The following IFITM1 variants were observed in gnomAD, a reference collection of about 807,000 sequenced individuals.
IFITM1 encodes the protein interferon-induced transmembrane protein 1.
A neutral mutation model predicts 4.0 loss-of-function variants in IFITM1; 1 was observed. The ratio of observed to expected loss-of-function variants is 0.25; its 90% CI spans 0.09 to 1.18. The LOEUF is 1.18. IFITM1 is among the 50% of genes most tolerant of loss of function. The pLI, the probability that IFITM1 is intolerant of heterozygous loss-of-function variation, is 0.50. For missense variants in IFITM1, 131 were observed against 163.2 expected (o/e 0.80, Z 1.08); for synonymous variants, 79 against 69.7 (o/e 1.13, Z -0.67).
Position 315,233 on chromosome 11 carries a change from C to T in IFITM1, c.*120C>T. ...GATACAGCAGTTTATACCCACACAC[C>T]TGTCTACAGTGTCATTCAATAAAGT... On this transcript the variant is annotated 3_prime_UTR_variant, in exon 2 of 2. Transcript: ENST00000408968. The T allele has an allele frequency of 4.5e-6, 4 of 886,018 alleles. No individual in the cohort carries two copies. Among genetic ancestry groups the T allele is most frequent in the Non-Finnish European group, 5.4e-6 (3 of 559,776 alleles). The allele number at this position is 886,018 out of a possible 1,614,324, so 54.9% of individuals were successfully genotyped here.
rs746909053 is a variant in IFITM1 at position 314,402 on chromosome 11, G to A, written c.186+46G>A. 1 of 1,608,702 alleles carries A rather than the reference G, an allele frequency of 6.2e-7. No individual in the cohort carries two copies. The highest frequency in any genetic ancestry group is 1.1e-5 in the South Asian group (1 of 90,910). The stretch of plus-strand genomic sequence containing the variant: ...AATCCAGGGGGTGCCGGTGAGCCTG[G>A]GGCTCCACCTGCCCACATGCTGCCT... On this transcript the variant is annotated intron_variant, in intron 1 of 1. Transcript: ENST00000408968. This position sits in a 1 kb window ranked among gnomAD's most constrained non-coding sequence, Gnocchi z 4.5.
Position 314,116 on chromosome 11 carries a change from A to G in IFITM1, c.-55A>G. 7 of 1,555,506 alleles carry G rather than the reference A, an allele frequency of 4.5e-6. No homozygotes were observed. The highest frequency in any genetic ancestry group is 6.2e-6 in the Non-Finnish European group (7 of 1,129,302). On this transcript the variant is annotated 5_prime_UTR_variant, in exon 1 of 2. Coordinates refer to ENST00000408968, the MANE Select transcript of IFITM1 (RefSeq NM_003641.5). The surrounding 1 kb of genome is among the most constrained non-coding windows in gnomAD (Gnocchi z 4.5). ...ACCACAGCGGCCCTTCGCTCCACGC[A>G]GAAAACCACACTTCTCAAACCTTCA...
At position 315,103 on chromosome 11, in the gene IFITM1, G is replaced by A. The variant is rs763794702; in HGVS notation, c.368G>A (p.Arg123Gln). Residue 123 changes from arginine to glutamine, a missense_variant, in exon 2 of 2, where the codon CGG becomes CAG. Arg to Gln is a conservative substitution (Grantham distance 43). Transcript: ENST00000408968. The stretch of plus-strand genomic sequence containing the variant: ...ATGTTACAGATAATACAGGAAAAAC[G>A]GGGTTACTAGTAGCCGCCCATAGCC... ...HIMLQIIQEK[R>Q]GY 14 of 1,613,892 alleles carry A rather than the reference G, an allele frequency of 8.7e-6. No individual in the cohort carries two copies. The highest frequency in any genetic ancestry group is 3.3e-4 in the Middle Eastern group (2 of 6,084).
chr11:314,102 C>T lies in IFITM1; in HGVS notation c.-69C>T. 7.0e-7 allele frequency: 1 copy of T among 1,435,026 alleles called. No individual in the cohort carries two copies. The highest frequency in any genetic ancestry group is 1.2e-5 in the South Asian group (1 of 85,824). The allele number at this position is 1,435,026 out of a possible 1,614,324, so 88.9% of individuals were successfully genotyped here. A position where few individuals can be genotyped will look rare whatever the true frequency, so the allele number is the denominator to read the frequency against. On this transcript the variant is annotated 5_prime_UTR_variant, in exon 1 of 2. Transcript: ENST00000408968. The surrounding 1 kb of genome is among the most constrained non-coding windows in gnomAD (Gnocchi z 4.5). ...CCCAGCATCCGGACACCACAGCGGC[C>T]CTTCGCTCCACGCAGAAAACCACAC...
Position 314,248 on chromosome 11 carries a change from C to T in IFITM1, c.78C>T (p.Asn26=), listed in dbSNP as rs769307254. ...TCCTTCCAAGGTCCACCGTGATCAA[C>T]ATCCACAGCGAGACCTCCGTGCCCG... ...STILPRSTVI[N]IHSETSVPDH... is the part of the protein sequence containing the mutation. The change falls in exon 1 of 2, where the codon AAC becomes AAT. Residue 26 remains asparagine (N), a synonymous_variant. Transcript: ENST00000408968. This position sits in a 1 kb window ranked among gnomAD's most constrained non-coding sequence, Gnocchi z 4.5. 1 of 1,614,018 alleles carries T rather than the reference C, an allele frequency of 6.2e-7. No homozygotes were observed. Among genetic ancestry groups the T allele is most frequent in the South Asian group, 1.1e-5 (1 of 91,080 alleles).
In IFITM1 at chr11:314,208, C is replaced by T. The variant is rs761685431; in HGVS notation, c.38C>T (p.Pro13Leu). 3.7e-6 allele frequency: 6 copies of T among 1,613,154 alleles called. No homozygotes were observed. Among genetic ancestry groups the T allele is most frequent in the Non-Finnish European group, 5.1e-6 (6 of 1,179,162 alleles). ...KEEHEVAVLG[P>L]PPSTILPRST... is the part of the protein sequence containing the mutation. ...GAACATGAGGTGGCTGTGCTGGGGC[C>T]ACCCCCCAGCACCATCCTTCCAAGG... Residue 13 changes from proline (P) to leucine (L), a missense_variant, in exon 1 of 2, where the codon CCA (proline) becomes CTA (leucine). Transcript: ENST00000408968. The surrounding 1 kb of genome is among the most constrained non-coding windows in gnomAD (Gnocchi z 4.5).
rs111407978 is a variant in IFITM1, at chr11:314,867, G to C, written c.187-55G>C. ...AGGGCGGGGAGGAGACGGAGCCATA[G>C]CACGCGGCTCTCAGCTGGGGGATCC... On this transcript the variant is annotated intron_variant, in intron 1 of 1. Transcript: ENST00000408968. The surrounding 1 kb of genome is among the most constrained non-coding windows in gnomAD (Gnocchi z 4.5). 1 of 1,604,976 alleles carries C rather than the reference G, an allele frequency of 6.2e-7. No homozygotes were observed. Among genetic ancestry groups the C allele is most frequent in the Non-Finnish European group, 8.5e-7 (1 of 1,175,244 alleles).
At position 314,206 on chromosome 11, in the gene IFITM1, G is replaced by T. The variant is rs768680504; in HGVS notation, c.36G>T (p.Gly12=). 1.2e-6 allele frequency: 2 copies of T among 1,613,554 alleles called. No individual in the cohort carries two copies. Among genetic ancestry groups the T allele is most frequent in the East Asian group, 4.5e-5 (2 of 44,862 alleles). ...AGGAACATGAGGTGGCTGTGCTGGG[G>T]CCACCCCCCAGCACCATCCTTCCAA... ...HKEEHEVAVL[G]PPPSTILPRS... Residue 12 remains glycine (G), a synonymous_variant, in exon 1 of 2, where the codon GGG becomes GGT. Transcript: ENST00000408968. This position sits in a 1 kb window ranked among gnomAD's most constrained non-coding sequence, Gnocchi z 4.5.
chr11:315,140 C>T lies in IFITM1; in HGVS notation c.*27C>T, dbSNP rs1846039818. The T allele has an allele frequency of 1.2e-6, 2 of 1,609,674 alleles. No individual in the cohort carries two copies. The highest frequency in any genetic ancestry group is 1.7e-6 in the Non-Finnish European group (2 of 1,176,896). On this transcript the variant is annotated 3_prime_UTR_variant, in exon 2 of 2. Transcript: ENST00000408968. ...AGCCGCCCATAGCCTGCAACCTTTG[C>T]ACTCCACTGTGCAATGCTGGCCCTG...
Position 314,798 on chromosome 11 carries a change from G to C in IFITM1, c.187-124G>C. 7.1e-7 allele frequency: 1 copy of C among 1,398,994 alleles called. No homozygotes were observed. Among genetic ancestry groups the C allele is most frequent in the Non-Finnish European group, 9.9e-7 (1 of 1,007,156 alleles). The allele number at this position is 1,398,994 out of a possible 1,614,324, so 86.7% of individuals were successfully genotyped here. A position where few individuals can be genotyped will look rare whatever the true frequency, so the allele number is the denominator to read the frequency against. ...GGATGAGCCCCGAGGCTCCTGGAGA[G>C]TCTGAGCCCGGGTGAGGAAGGGGAG... On this transcript the variant is annotated intron_variant, in intron 1 of 1. Coordinates refer to ENST00000408968, the MANE Select transcript of IFITM1 (RefSeq NM_003641.5). The surrounding 1 kb of genome is among the most constrained non-coding windows in gnomAD (Gnocchi z 4.5).
rs1247053947 is a variant in IFITM1, at chr11:314,427, T to C, written c.186+71T>C. On this transcript the variant is annotated intron_variant, in intron 1 of 1. Transcript: ENST00000408968. The surrounding 1 kb of genome is among the most constrained non-coding windows in gnomAD (Gnocchi z 4.5). ...GGGCTCCACCTGCCCACATGCTGCCTGGGGTGGGGACTTGTGTGTCCCTGT... is the reference window on the plus strand; with the variant it reads ...GGGCTCCACCTGCCCACATGCTGCCCGGGGTGGGGACTTGTGTGTCCCTGT... The C allele has an allele frequency of 6.4e-7, 1 of 1,571,412 alleles. No homozygotes were observed. The highest frequency in any genetic ancestry group is 2.2e-5 in the East Asian group (1 of 44,652).
In IFITM1 at chr11:314,891, C is replaced by G. The variant is rs1233345525; in HGVS notation, c.187-31C>G. On this transcript the variant is annotated intron_variant, in intron 1 of 1. Coordinates refer to ENST00000408968, the MANE Select transcript of IFITM1 (RefSeq NM_003641.5). This position sits in a 1 kb window ranked among gnomAD's most constrained non-coding sequence, Gnocchi z 4.5. Reference sequence around the variant, plus strand: ...AGCACGCGGCTCTCAGCTGGGGGATCCTGGTCCCCTCACCATCTCCTCTCC... The same window carrying G: ...AGCACGCGGCTCTCAGCTGGGGGATGCTGGTCCCCTCACCATCTCCTCTCC... 6.2e-7 allele frequency: 1 copy of G among 1,608,426 alleles called. No homozygotes were observed. The highest frequency in any genetic ancestry group is 1.1e-5 in the South Asian group (1 of 90,694).
Position 314,263 on chromosome 11 carries a change from C to T in IFITM1, c.93C>T (p.Thr31=). The change falls in exon 1 of 2, where the codon ACC becomes ACT. Residue 31 remains threonine, a synonymous_variant. Coordinates refer to ENST00000408968, the MANE Select transcript of IFITM1 (RefSeq NM_003641.5). This position sits in a 1 kb window ranked among gnomAD's most constrained non-coding sequence, Gnocchi z 4.5. ...RSTVINIHSE[T]SVPDHVVWSL... is the part of the protein sequence containing the mutation. ...CCGTGATCAACATCCACAGCGAGACCTCCGTGCCCGACCATGTCGTCTGGT... is the reference window on the plus strand; with the variant it reads ...CCGTGATCAACATCCACAGCGAGACTTCCGTGCCCGACCATGTCGTCTGGT... 1.2e-6 allele frequency: 2 copies of T among 1,613,988 alleles called. No individual in the cohort carries two copies. The highest frequency in any genetic ancestry group is 4.5e-5 in the East Asian group (2 of 44,860).
Position 314,555 on chromosome 11 carries a change from A to G in IFITM1, c.186+199A>G. 1.2e-6 allele frequency: 1 copy of G among 814,196 alleles called. No individual in the cohort carries two copies. Among genetic ancestry groups the G allele is most frequent in the South Asian group, 1.4e-5 (1 of 70,950 alleles). 50.4% of individuals were successfully genotyped at this position (814,196 alleles called of 1,614,324 possible). On this transcript the variant is annotated intron_variant, in intron 1 of 1. Transcript: ENST00000408968. This position sits in a 1 kb window ranked among gnomAD's most constrained non-coding sequence, Gnocchi z 4.5. ...TGGCTTTGGGGAATCTGCCCAGTGCAGGTCTAGGAGGAGGCTCCAGGAGGC... is the reference window on the plus strand; with the variant it reads ...TGGCTTTGGGGAATCTGCCCAGTGCGGGTCTAGGAGGAGGCTCCAGGAGGC...
Position 314,863 on chromosome 11 carries a change from C to T in IFITM1, c.187-59C>T, listed in dbSNP as rs966861772. ...TCTCAGGGCGGGGAGGAGACGGAGC[C>T]ATAGCACGCGGCTCTCAGCTGGGGG... On this transcript the variant is annotated intron_variant, in intron 1 of 1. Transcript: ENST00000408968. This position sits in a 1 kb window ranked among gnomAD's most constrained non-coding sequence, Gnocchi z 4.5. 35 of 1,604,380 alleles carry T rather than the reference C, an allele frequency of 2.2e-5. No homozygotes were observed. The highest frequency in any genetic ancestry group is 2.9e-5 in the Non-Finnish European group (34 of 1,175,080).
In IFITM1 at chr11:314,775, A is replaced by G; in HGVS notation, c.187-147A>G. On this transcript the variant is annotated intron_variant, in intron 1 of 1. Coordinates refer to ENST00000408968, the MANE Select transcript of IFITM1 (RefSeq NM_003641.5). The surrounding 1 kb of genome is among the most constrained non-coding windows in gnomAD (Gnocchi z 4.5). ...GTGCTGGGGCCAAGGCAGAAGGAGG[A>G]TGAGCCCCGAGGCTCCTGGAGAGTC... is the stretch of plus-strand genomic sequence containing the variant. 1 of 1,035,778 alleles carries G rather than the reference A, an allele frequency of 9.7e-7. No individual in the cohort carries two copies. The highest frequency in any genetic ancestry group is 1.4e-5 in the South Asian group (1 of 73,794). 64.2% of individuals were successfully genotyped at this position (1,035,778 alleles called of 1,614,324 possible). A position where few individuals can be genotyped will look rare whatever the true frequency, so the allele number is the denominator to read the frequency against.
Position 314,355 on chromosome 11 carries a change from A to T in IFITM1, c.185A>T (p.Lys62Met). ...LGFIAFAYSVKSRDRKMVGDV... is the reference protein window; with the variant it reads ...LGFIAFAYSVMSRDRKMVGDV... ...TTCATAGCATTCGCCTACTCCGTGA[A>T]GGTGCGTATGGCCCTGGCGGAAATC... The change falls in exon 1 of 2, where the codon AAG (lysine) becomes ATG (methionine). Residue 62 changes from lysine to methionine, a missense_variant and splice_region_variant. By Grantham distance (95) the Lys-to-Met change is moderately conservative (BLOSUM62 -1). Coordinates refer to ENST00000408968, the MANE Select transcript of IFITM1 (RefSeq NM_003641.5). The surrounding 1 kb of genome is among the most constrained non-coding windows in gnomAD (Gnocchi z 4.5). The T allele has an allele frequency of 6.2e-7, 1 of 1,613,914 alleles. No homozygotes were observed. The highest frequency in any genetic ancestry group is 8.5e-7 in the Non-Finnish European group (1 of 1,179,834).
chr11:314,518 T>G lies in IFITM1; in HGVS notation c.186+162T>G. 1 of 694,348 alleles carries G rather than the reference T, an allele frequency of 1.4e-6. No individual in the cohort carries two copies. Among genetic ancestry groups the G allele is most frequent in the Non-Finnish European group, 2.4e-6 (1 of 411,852 alleles). 43.0% of individuals were successfully genotyped at this position (694,348 alleles called of 1,614,324 possible). A position where few individuals can be genotyped will look rare whatever the true frequency, so the allele number is the denominator to read the frequency against. ...CGTCAGTAGCTTTGTCTGTGTGATC[T>G]GTGTGTGTGTGTGGCTTTGGGGAAT... On this transcript the variant is annotated intron_variant, in intron 1 of 1. Transcript: ENST00000408968. The surrounding 1 kb of genome is among the most constrained non-coding windows in gnomAD (Gnocchi z 4.5).
rs1256937034 is a variant in IFITM1, at chr11:314,708, G to A, written c.187-214G>A. ...CAGGCTCTCCCAGAAAGTGAGAAGG[G>A]AACTCACAGGTGACTTCACCCCATG... is the stretch of plus-strand genomic sequence containing the variant. On this transcript the variant is annotated intron_variant, in intron 1 of 1. Coordinates refer to ENST00000408968, the MANE Select transcript of IFITM1 (RefSeq NM_003641.5). This position sits in a 1 kb window ranked among gnomAD's most constrained non-coding sequence, Gnocchi z 4.5. Among the ~76,000 whole-genome samples the A allele has an allele frequency of 6.6e-6, 1 of 152,198 alleles. No individual in the cohort carries two copies. Among genetic ancestry groups the A allele is most frequent in the African/African-American group, 2.4e-5 (1 of 41,462 alleles).
Sources: gnomAD v4.1 joint callset for allele counts (sites outside exome capture counted in the v4.1 genomes callset) on GRCh38, gnomAD v4.1.1 for gene constraint, Gnocchi (gnomAD v3.1) non-coding constraint, MANE v1.5 for transcripts, NCBI Gene and HGNC (gene_info 2026-07-23, HGNC 2026-07-21) for gene names.